The following NEDD9 variants were observed in gnomAD, a reference collection of about 807,000 sequenced individuals.
NEDD9 encodes the protein neural precursor cell expressed, developmentally down-regulated 9.
In NEDD9, 26 loss-of-function variants were observed where a neutral mutation model predicts 76.6. The ratio of observed to expected loss-of-function variants is 0.34; its 90% CI spans 0.25 to 0.47. The LOEUF is 0.47. NEDD9 is among the 20% of genes least tolerant of loss of function. The probability of loss-of-function intolerance (pLI) is 1.00; values close to 1 mark genes in which losing one functional copy is unlikely to be tolerated. For synonymous variants in NEDD9, 392 were observed against 414.2 expected (o/e 0.95, Z 0.65); for missense variants, 937 against 1,058.5 (o/e 0.89, Z 1.59).
rs569798820 is a variant in NEDD9, at chr6:11,332,351, A to G, written c.-153+2150T>C. ...TCAAGGACTACTTCACTGAGTGTGA[A>G]TTTGACTACATTATGCCTATTCTTA... is the stretch of plus-strand genomic sequence containing the variant. On this transcript the variant is annotated intron_variant, in intron 2 of 3. Transcript: ENST00000397378. Among the ~76,000 whole-genome samples, 7 of 152,330 alleles carry G rather than the reference A, an allele frequency of 4.6e-5. No individual in the cohort carries two copies. In the South Asian group the frequency reaches 1.0e-3, roughly 23 times the overall value.
chr6:11,339,083 C>A (rs1762222876), intron 1 of NEDD9, among the ~76,000 whole-genome samples: 2 of 151,918 alleles, frequency 1.3e-5, no homozygotes, highest in African/African-American at 4.8e-5. Context: ...TCTTTATTTT[C>A]AGTCCCAGCT....
intron 1 of NEDD9, among the ~76,000 whole-genome samples, chr6:11,228,460 G>GCAGA (rs1431193320): frequency 6.6e-6 from 1 of 152,152 alleles, no homozygotes; most frequent in Admixed American, 6.5e-5. Flanking sequence ...AACCCAGGAG[G>GCAGA]CAGAGGTCGC....
At chr6:11,364,524 C>T (rs1464535462) in intron 1 of NEDD9, among the ~76,000 whole-genome samples, 1 of 152,104 alleles carries the variant, frequency 6.6e-6, no homozygotes, top group Admixed American at 6.5e-5. Context: ...GGTTAAGTAA[C>T]TATACCAAGG....
At position 11,213,853 on chromosome 6, in the gene NEDD9, G is replaced by C; in HGVS notation, c.13-126C>G. 1 of 832,312 alleles carries C rather than the reference G, an allele frequency of 1.2e-6. No homozygotes were observed. Among genetic ancestry groups the C allele is most frequent in the Admixed American group, 2.7e-5 (1 of 36,758 alleles). The allele number at this position is 832,312 out of a possible 1,614,324, so 51.6% of individuals were successfully genotyped here. A position where few individuals can be genotyped will look rare whatever the true frequency, so the allele number is the denominator to read the frequency against. ...GAGAGAAGCATAAATCTGAACAATA[G>C]ACTGTAAGGAGAAAAACAGATGGTG... On this transcript the variant is annotated intron_variant, in intron 1 of 6. Transcript: ENST00000379446. This position sits in a 1 kb window ranked among gnomAD's most constrained non-coding sequence, Gnocchi z 5.4.
intron 2 of NEDD9, among the ~76,000 whole-genome samples, chr6:11,318,886 A>G (rs1761663350): frequency 1.3e-5 from 2 of 152,198 alleles, no homozygotes; most frequent in Non-Finnish European, 2.9e-5. Flanking sequence ...TTAGGAAACT[A>G]TTGGCTGAAA....
intron 3 of NEDD9, among the ~76,000 whole-genome samples, chr6:11,245,036 T>C (rs1759781312): frequency 6.6e-6 from 1 of 152,248 alleles, no homozygotes; most frequent in South Asian, 2.1e-4. Flanking sequence ...CTATACCTTA[T>C]TCCTTTGCAC....
rs1332061678 is a variant in NEDD9, at chr6:11,284,094, C to A, written c.12+21898G>T. 2.0e-5 allele frequency among the ~76,000 whole-genome samples: 3 copies of A among 152,196 alleles called. No homozygotes were observed. In the East Asian group the frequency reaches 5.8e-4, roughly 29 times the overall value. ...TACAATCTCCTCCAGGGTTTTAGAC[C>A]TCAAGATAGGCCAGAGAGAGATTAA... is the stretch of plus-strand genomic sequence containing the variant. On this transcript the variant is annotated intron_variant, in intron 3 of 3. Transcript: ENST00000397378.
intron 1 of NEDD9, among the ~76,000 whole-genome samples, chr6:11,358,058 G>C (rs531528473): frequency 6.6e-6 from 1 of 152,154 alleles, no homozygotes; most frequent in South Asian, 2.1e-4. Flanking sequence ...GATCATCCTG[G>C]CCAACATGGT....
intron 3 of NEDD9, among the ~76,000 whole-genome samples, chr6:11,296,677 T>C (rs936868183): frequency 4.7e-5 from 3 of 64,134 alleles, no homozygotes; most frequent in Admixed American, 2.5e-4. Context: ...TTCCTTTCCT[T>C]TCCCTTCCTT....
chr6:11,366,341 A>AAAGAAAGAAAGAAACG (rs1248514591), intron 1 of NEDD9, among the ~76,000 whole-genome samples: 9 of 149,152 alleles, frequency 6.0e-5, no homozygotes, highest in African/African-American at 2.2e-4. Flanking sequence ...AGACAGAGAG[A>AAAGAAAGAAAGAAACG]AAGAAAGAAA....
intron 2 of NEDD9, among the ~76,000 whole-genome samples, chr6:11,204,170 T>C (rs1581953759): frequency 6.6e-6 from 1 of 152,306 alleles, no homozygotes; most frequent in East Asian, 1.9e-4. Flanking sequence ...GACAAAGAAG[T>C]GAAGGAGACC....
intron 1 of NEDD9, among the ~76,000 whole-genome samples, chr6:11,355,162 T>A (rs932903663): frequency 6.6e-6 from 1 of 152,066 alleles, no homozygotes; most frequent in Admixed American, 6.6e-5. Context: ...GGGTCTGAAG[T>A]CAGATAGAGG....
In NEDD9 at chr6:11,220,967, G is replaced by A. The variant is rs144717030; in HGVS notation, c.13-7240C>T. Among the ~76,000 whole-genome samples, 40 of 152,322 alleles carry A rather than the reference G, an allele frequency of 2.6e-4. 1 individual carries two copies. The East Asian group carries it at 7.5e-3, about 29-fold the overall frequency. On this transcript the variant is annotated intron_variant, in intron 1 of 6. Coordinates refer to ENST00000379446, the MANE Select transcript of NEDD9 (RefSeq NM_006403.4). ...CAGATTTGCATATATGTGTGTATACGTGCAATGTCACAGTCAACTTCTATT... is the reference window on the plus strand; with the variant it reads ...CAGATTTGCATATATGTGTGTATACATGCAATGTCACAGTCAACTTCTATT...
chr6:11,307,069 A>AT (rs1761205824), intron 2 of NEDD9, among the ~76,000 whole-genome samples: 1 of 152,234 alleles, frequency 6.6e-6, no homozygotes, highest in Non-Finnish European at 1.5e-5. Flanking sequence ...GAATCTTTGT[A>AT]AAAGGACAGT....
At chr6:11,215,021 T>C (rs1758910041) in intron 1 of NEDD9, among the ~76,000 whole-genome samples, 1 of 152,248 alleles carries the variant, frequency 6.6e-6, no homozygotes, top group Admixed American at 6.5e-5. Context: ...GTGCTTTTCA[T>C]TTCTTTGCAG....
intron 2 of NEDD9, among the ~76,000 whole-genome samples, chr6:11,325,967 GA>G (rs796502036): frequency 1.2e-4 from 18 of 152,192 alleles, no homozygotes; most frequent in African/African-American, 3.9e-4. Flanking sequence ...CCAACATGGC[GA>G]AACCCCGTCT....
chr6:11,328,182 G>T (rs2113491513), intron 2 of NEDD9, among the ~76,000 whole-genome samples: 1 of 152,358 alleles, frequency 6.6e-6, no homozygotes, highest in East Asian at 1.9e-4. Flanking sequence ...TGCGTGCATT[G>T]GTGGGTGGAT....
At chr6:11,222,572 G>A (rs748050795) in intron 1 of NEDD9, among the ~76,000 whole-genome samples, 10 of 152,212 alleles carry the variant, frequency 6.6e-5, no homozygotes, top group Non-Finnish European at 1.2e-4. Context: ...GCTCTTACAC[G>A]CACATGTTAT....
intron 3 of NEDD9, among the ~76,000 whole-genome samples, chr6:11,293,141 G>T (rs981537757): frequency 2.6e-5 from 4 of 151,332 alleles, no homozygotes; most frequent in Admixed American, 6.6e-5. Flanking sequence ...GGGAACAAAT[G>T]CTTTTTAAAT....
Sources: gnomAD v4.1 joint callset for allele counts (sites outside exome capture counted in the v4.1 genomes callset) on GRCh38, gnomAD v4.1.1 for gene constraint, Gnocchi (gnomAD v3.1) non-coding constraint, MANE v1.5 for transcripts, NCBI Gene and HGNC (gene_info 2026-07-23, HGNC 2026-07-21) for gene names.